NRG3: variants seen among roughly 807,000 people sequenced by gnomAD.
NRG3 encodes neuregulin 3, also known as pro-neuregulin-3, membrane-bound isoform.
In NRG3, 31 loss-of-function variants were observed where a neutral mutation model predicts 66.9. The observed-to-expected ratio is 0.46, with a 90% confidence interval of 0.35 to 0.63. The LOEUF (loss-of-function observed/expected upper bound fraction) is 0.63, where lower values mean the gene tolerates loss of function less well. NRG3 is among the 20% of genes least tolerant of loss of function. NRG3 has a pLI of 0.00. For synonymous variants in NRG3, 393 were observed against 359.4 expected, an observed-to-expected ratio of 1.09 and a Z score of -1.06; for missense variants, 910 against 878.9, an observed-to-expected ratio of 1.04 and a Z score of -0.45.
chr10:82,592,934 C>T (rs2047065865), intron 2 of NRG3, among the ~76,000 whole-genome samples: 1 of 152,208 alleles, frequency 6.6e-6, no homozygotes, highest in Admixed American at 6.5e-5. Context: ...CAGACTTAGA[C>T]ACTTGCTTAA....
At chr10:82,863,488 T>C (rs2064249931) in intron 3 of NRG3, among the ~76,000 whole-genome samples, 1 of 152,144 alleles carries the variant, frequency 6.6e-6, no homozygotes, top group Admixed American at 6.5e-5. Context: ...AATGTAAAAG[T>C]GTTCCTATTT....
At chr10:82,815,382 G>A (rs899723191) in intron 3 of NRG3, among the ~76,000 whole-genome samples, 7 of 152,052 alleles carry the variant, frequency 4.6e-5, no homozygotes, top group Non-Finnish European at 2.9e-5. Flanking sequence ...AAAGCTTTGG[G>A]GAAATGTATG....
intron 1 of NRG3, chr10:81,877,588 G>T (rs1841787955): frequency 1.4e-6 from 1 of 726,390 alleles, no homozygotes; most frequent in Non-Finnish European, 1.7e-6. Flanking sequence ...TTTAAAGAAT[G>T]TAGTGTATTT....
intron 1 of NRG3, among the ~76,000 whole-genome samples, chr10:82,045,574 A>T (rs1207502740): frequency 1.5e-5 from 1 of 68,404 alleles, no homozygotes; most frequent in African/African-American, 4.8e-5. Flanking sequence ...TAGTTTAATT[A>T]GATCCCATTT....
rs146607233 is a variant in NRG3, at chr10:82,745,962, G to T, written c.1027+7312G>T. 9.1e-4 allele frequency among the ~76,000 whole-genome samples: 138 copies of T among 152,200 alleles called. 2 individuals are homozygous for T. The East Asian group carries it at 0.023, about 25-fold the overall frequency. Reference sequence around the variant, plus strand: ...GCTGGAGTGCAATGGCATGATCTTGGCTCACTGCAGCCTCAACTTTCTGGG... The same window carrying T: ...GCTGGAGTGCAATGGCATGATCTTGTCTCACTGCAGCCTCAACTTTCTGGG... On this transcript the variant is annotated intron_variant, in intron 3 of 8. Coordinates refer to ENST00000372141, the MANE Select transcript of NRG3 (RefSeq NM_001010848.4).
chr10:82,301,404 G>C (rs1440527698), intron 1 of NRG3, among the ~76,000 whole-genome samples: 1 of 152,020 alleles, frequency 6.6e-6, no homozygotes, highest in Non-Finnish European at 1.5e-5. Flanking sequence ...AACAAATACT[G>C]TCTTGTGCCA....
At chr10:82,703,730 G>A (rs990388161) in intron 2 of NRG3, among the ~76,000 whole-genome samples, 1 of 152,100 alleles carries the variant, frequency 6.6e-6, no homozygotes, top group Non-Finnish European at 1.5e-5. Context: ...TGTCTAAGCC[G>A]GGATGCTGTC....
intron 1 of NRG3, among the ~76,000 whole-genome samples, chr10:82,251,474 G>T (rs1363310794): frequency 6.6e-6 from 1 of 152,068 alleles, no homozygotes; most frequent in Non-Finnish European, 1.5e-5. Context: ...TCACAATCAG[G>T]ATTCCCTCAC....
In NRG3 at chr10:81,980,428, T is replaced by A. The variant is rs368285699; in HGVS notation, c.823+104265T>A. Reference sequence around the variant, plus strand: ...TCAGATAATAAGAGTAAAAGTAACTTATAAACTGAACAAATAAAAAAGACA... The same window carrying A: ...TCAGATAATAAGAGTAAAAGTAACTAATAAACTGAACAAATAAAAAAGACA... On this transcript the variant is annotated intron_variant, in intron 1 of 8. Coordinates refer to ENST00000372141, the MANE Select transcript of NRG3 (RefSeq NM_001010848.4). Among the ~76,000 whole-genome samples the A allele has an allele frequency of 1.8e-4, 27 of 152,278 alleles. 2 individuals carry two copies. The highest frequency in any genetic ancestry group is 6.3e-4 in the African/African-American group (26 of 41,564).
intron 1 of NRG3, among the ~76,000 whole-genome samples, chr10:82,097,628 C>T (rs971363191): frequency 3.3e-5 from 5 of 151,404 alleles, no homozygotes; most frequent in African/African-American, 1.2e-4. Flanking sequence ...TAGGTAAAGA[C>T]CTAGGAGTGG....
At chr10:82,303,336 A>AACACACACACACACACACACAC (rs144860357) in intron 1 of NRG3, among the ~76,000 whole-genome samples, 1 of 149,236 alleles carries the variant, frequency 6.7e-6, no homozygotes, top group African/African-American at 2.5e-5. Flanking sequence ...TGCGTGTATA[A>AACACACACACACACACACACAC]ACACACACAC....
At chr10:82,713,879 T>A (rs1473613750) in intron 2 of NRG3, among the ~76,000 whole-genome samples, 1 of 152,192 alleles carries the variant, frequency 6.6e-6, no homozygotes, top group African/African-American at 2.4e-5. Flanking sequence ...TGATTCTTGC[T>A]GCCACAAAAC....
chr10:82,340,842 A>T (rs1191908034), intron 1 of NRG3: 1 of 152,190 alleles, frequency 6.6e-6, no homozygotes, highest in African/African-American at 2.4e-5. Flanking sequence ...GTGCACAAGG[A>T]TGACATGCAA....
chr10:81,949,594 C>T (rs1285939915), intron 1 of NRG3, among the ~76,000 whole-genome samples: 1 of 151,966 alleles, frequency 6.6e-6, no homozygotes, highest in Non-Finnish European at 1.5e-5. Flanking sequence ...AAATGGGTAA[C>T]TCTTAATTAT....
At chr10:81,897,911 C>T (rs996829233) in intron 1 of NRG3, among the ~76,000 whole-genome samples, 3 of 152,060 alleles carry the variant, frequency 2.0e-5, no homozygotes, top group Non-Finnish European at 2.9e-5. Flanking sequence ...TTTAATCCAG[C>T]GTGCATTTTT....
chr10:82,336,803 T>C (rs2135343031), intron 1 of NRG3, among the ~76,000 whole-genome samples: 1 of 152,312 alleles, frequency 6.6e-6, no homozygotes, highest in South Asian at 2.1e-4. Flanking sequence ...TACATAGCTG[T>C]TATTTCTGCA....
At chr10:82,373,836 G>A (rs577995611) in intron 2 of NRG3, among the ~76,000 whole-genome samples, 4 of 152,100 alleles carry the variant, frequency 2.6e-5, no homozygotes, top group Non-Finnish European at 5.9e-5. Context: ...TTCTGCCTGG[G>A]TTAGCATATG....
intron 6 of NRG3, among the ~76,000 whole-genome samples, chr10:82,964,479 A>G (rs953444264): frequency 6.6e-6 from 1 of 152,150 alleles, no homozygotes; most frequent in African/African-American, 2.4e-5. Flanking sequence ...GTCTCTTTTC[A>G]TATTATTTTG....
intron 1 of NRG3, among the ~76,000 whole-genome samples, chr10:82,212,141 C>T (rs1460379529): frequency 6.6e-6 from 1 of 152,046 alleles, no homozygotes. Flanking sequence ...TAGTTTGAAC[C>T]ATGGGAAATA....
Sources: allele counts gnomAD v4.1 joint callset (sites outside exome capture counted in the v4.1 genomes callset), GRCh38; gene constraint gnomAD v4.1.1; transcripts MANE v1.5; gene names NCBI Gene and HGNC (gene_info 2026-07-23, HGNC 2026-07-21).